Variants in MICALL1 observed in about 807,000 individuals in gnomAD.
The protein encoded by MICALL1 is MICAL like 1.
MICALL1 carries 61 observed loss-of-function variants against 83.7 expected under a neutral mutation model. That is an observed-to-expected ratio of 0.73 (90% CI 0.59 to 0.90). The LOEUF (loss-of-function observed/expected upper bound fraction) is 0.90. Among genes scored for constraint, MICALL1 ranks in the 40% least tolerant of loss-of-function variants. MICALL1 has a pLI of 0.00. For missense variants in MICALL1, 1,066 were observed against 1,152.0 expected, an observed-to-expected ratio of 0.93 and a Z score of 1.08; for synonymous variants, 481 against 473.6, an observed-to-expected ratio of 1.02 and a Z score of -0.20.
At chr22:37,909,306 G>A (rs1177789483) in intron 1 of MICALL1, among the ~76,000 whole-genome samples, 6 of 151,166 alleles carry the variant, frequency 4.0e-5, no homozygotes, top group Non-Finnish European at 5.9e-5. Flanking sequence ...CGCCTGCCTC[G>A]GCCTCCCAAA....
intron 13 of MICALL1, among the ~76,000 whole-genome samples, chr22:37,935,499 T>A (rs958495968): frequency 6.6e-6 from 1 of 151,452 alleles, no homozygotes; most frequent in African/African-American, 2.4e-5. Context: ...GACCTCGTGA[T>A]CCGCCCACCT....
At position 37,934,137 on chromosome 22, in the gene MICALL1, C is replaced by T. The variant is rs1438467784; in HGVS notation, c.2308+1025C>T. 2.6e-5 allele frequency among the ~76,000 whole-genome samples: 4 copies of T among 152,216 alleles called. No individual in the cohort carries two copies. The East Asian group carries it at 7.7e-4, about 29-fold the overall frequency. On this transcript the variant is annotated intron_variant, in intron 13 of 15. Transcript: ENST00000215957. The stretch of plus-strand genomic sequence containing the variant: ...CCTCTGCCTCCCTGGCTAGCCCGGC[C>T]CCAGGGCTTACTGTGGCTTTTCCAG...
Position 37,906,354 on chromosome 22 carries a change from G to A in MICALL1, c.-69G>A. The A allele has an allele frequency of 1.4e-5, 14 of 995,978 alleles. No homozygotes were observed. Among genetic ancestry groups the A allele is most frequent in the Non-Finnish European group, 1.7e-5 (14 of 834,942 alleles). The allele number at this position is 995,978 out of a possible 1,614,324, so 61.7% of individuals were successfully genotyped here. On this transcript the variant is annotated 5_prime_UTR_variant, in exon 1 of 16. Transcript: ENST00000215957. This position sits in a 1 kb window ranked among gnomAD's most constrained non-coding sequence, Gnocchi z 4.4. ...AGCCGCAGCCGGAAACCGGGCCCGC[G>A]CGGCGGCCGCCGTCCCGGCCAAGCC...
chr22:37,927,599 G>A lies in MICALL1; in HGVS notation c.1654G>A (p.Val552Ile), dbSNP rs763783825. Residue 552 changes from valine to isoleucine, a missense_variant, in exon 9 of 16, where the codon GTC becomes ATC. Val to Ile is a conservative substitution (Grantham distance 29, BLOSUM62 3). Coordinates refer to ENST00000215957, the MANE Select transcript of MICALL1 (RefSeq NM_033386.4). ...VHAPGTPGNP[V>I]SLSTNSSLAS... ...TGCCCCTGGTACCCCTGGAAACCCTGTCAGCCTCTCTACCAACTCCTCCCT... is the reference window on the plus strand; with the variant it reads ...TGCCCCTGGTACCCCTGGAAACCCTATCAGCCTCTCTACCAACTCCTCCCT... The A allele has an allele frequency of 6.2e-7, 1 of 1,613,630 alleles. No homozygotes were observed. The highest frequency in any genetic ancestry group is 1.7e-5 in the Admixed American group (1 of 60,002).
At chr22:37,919,740 C>T (rs1220684082) in intron 5 of MICALL1, among the ~76,000 whole-genome samples, 1 of 151,302 alleles carries the variant, frequency 6.6e-6, no homozygotes, top group Admixed American at 6.6e-5. Context: ...GTAATCCCAG[C>T]ACTTTGGGAG....
chr22:37,939,994 G>T (rs1930345410), intron 15 of MICALL1, among the ~76,000 whole-genome samples: 1 of 151,740 alleles, frequency 6.6e-6, no homozygotes, highest in Non-Finnish European at 1.5e-5. Flanking sequence ...GGAGGCTAAG[G>T]CAGGAGAATT....
rs34844677 is a variant in MICALL1, at chr22:37,937,418, C to CTTTT, written c.2423+243_2423+246dup. Among the ~76,000 whole-genome samples, 607 of 113,358 alleles carry CTTTT rather than the reference C, an allele frequency of 5.4e-3. 13 individuals carry two copies. Among genetic ancestry groups the CTTTT allele is most frequent in the Non-Finnish European group, 8.4e-3 (469 of 55,888 alleles). 74.4% of individuals were successfully genotyped at this position (113,358 alleles called of 152,430 possible). On this transcript the variant is annotated intron_variant, in intron 14 of 15. Coordinates refer to ENST00000215957, the MANE Select transcript of MICALL1 (RefSeq NM_033386.4). ...CCCGTAGGACTCTCAGCTGCCGCTG[C>CTTTT]TTTTTTTTTTTTTTTTTTTTTTGAG...
chr22:37,910,720 G>C (rs761379323), intron 1 of MICALL1, among the ~76,000 whole-genome samples: 1 of 152,228 alleles, frequency 6.6e-6, no homozygotes, highest in Non-Finnish European at 1.5e-5. Context: ...CCTGGCCCCT[G>C]CCTGGAAAAG....
At chr22:37,919,301 T>C (rs1240791765) in intron 5 of MICALL1, 123 bp downstream of exon 5, 24 of 1,218,714 alleles carry the variant, frequency 2.0e-5, no homozygotes, top group Admixed American at 3.6e-5. Flanking sequence ...CTTATCCCCA[T>C]TTTACTGATG....
intron 13 of MICALL1, among the ~76,000 whole-genome samples, chr22:37,934,162 G>GC (rs1050781504): frequency 6.6e-6 from 1 of 152,222 alleles, no homozygotes; most frequent in Non-Finnish European, 1.5e-5. Context: ...GGCTTTTCCA[G>GC]CCCCCGTGTG....
chr22:37,916,772 A>C (rs1241273190), intron 3 of MICALL1, among the ~76,000 whole-genome samples: 1 of 152,136 alleles, frequency 6.6e-6, no homozygotes, highest in Non-Finnish European at 1.5e-5. Context: ...TTGGGGAGTA[A>C]TGTCAGGATG....
In MICALL1 at chr22:37,906,348, G is replaced by A. The variant is rs1355879279; in HGVS notation, c.-75G>A. The A allele has an allele frequency of 2.0e-6, 2 of 982,144 alleles. No homozygotes were observed. Among genetic ancestry groups the A allele is most frequent in the Non-Finnish European group, 2.4e-6 (2 of 823,550 alleles). The allele number at this position is 982,144 out of a possible 1,614,324, so 60.8% of individuals were successfully genotyped here. A position where few individuals can be genotyped will look rare whatever the true frequency, so the allele number is the denominator to read the frequency against. Reference sequence around the variant, plus strand: ...AGCCGCAGCCGCAGCCGGAAACCGGGCCCGCGCGGCGGCCGCCGTCCCGGC... The same window carrying A: ...AGCCGCAGCCGCAGCCGGAAACCGGACCCGCGCGGCGGCCGCCGTCCCGGC... On this transcript the variant is annotated 5_prime_UTR_variant, in exon 1 of 16. Transcript: ENST00000215957. The surrounding 1 kb of genome is among the most constrained non-coding windows in gnomAD (Gnocchi z 4.4).
At position 37,921,963 on chromosome 22, in the gene MICALL1, C is replaced by T; in HGVS notation, c.570-9C>T. The T allele has an allele frequency of 6.4e-7, 1 of 1,555,110 alleles. No homozygotes were observed. Among genetic ancestry groups the T allele is most frequent in the Non-Finnish European group, 8.7e-7 (1 of 1,147,692 alleles). On this transcript the variant is annotated splice_polypyrimidine_tract_variant and intron_variant, in intron 5 of 15. Transcript: ENST00000215957. ...TGGCTAAGTGAACCCCTGTCCTGTCCCCTGCCAGGTGTCGGCGGTGCTCCA... is the reference window on the plus strand; with the variant it reads ...TGGCTAAGTGAACCCCTGTCCTGTCTCCTGCCAGGTGTCGGCGGTGCTCCA...
At position 37,932,172 on chromosome 22, in the gene MICALL1, C is replaced by A. The variant is rs1385137008; in HGVS notation, c.2016+239C>A. On this transcript the variant is annotated intron_variant, in intron 10 of 15. Coordinates refer to ENST00000215957, the MANE Select transcript of MICALL1 (RefSeq NM_033386.4). The surrounding 1 kb of genome is among the most constrained non-coding windows in gnomAD (Gnocchi z 4.4). ...GGTGGTGCATTTAATTTGTTACTAA[C>A]AAGTTCAAGTATCAAGCACTCATGA... 1.3e-5 allele frequency among the ~76,000 whole-genome samples: 2 copies of A among 152,256 alleles called. No individual in the cohort carries two copies. Among genetic ancestry groups the A allele is most frequent in the Admixed American group, 1.3e-4 (2 of 15,288 alleles).
In MICALL1 at chr22:37,941,582, T is replaced by TG. The variant is rs1930439091; in HGVS notation, c.*754dup. On this transcript the variant is annotated 3_prime_UTR_variant, in exon 16 of 16. Coordinates refer to ENST00000215957, the MANE Select transcript of MICALL1 (RefSeq NM_033386.4). ...CAGTGCTGTCCCCAGGCTGCAGTTCTGGTCCCTGGTTGTCAGGTAGGAAGG... is the reference window on the plus strand; with the variant it reads ...CAGTGCTGTCCCCAGGCTGCAGTTCTGGGTCCCTGGTTGTCAGGTAGGAAGG... 6.6e-6 allele frequency: 1 copy of TG among 152,388 alleles called. No individual in the cohort carries two copies. Among genetic ancestry groups the TG allele is most frequent in the African/African-American group, 2.4e-5 (1 of 41,450 alleles). The allele number at this position is 152,388 out of a possible 1,614,324, so 9.4% of individuals were successfully genotyped here.
At chr22:37,921,217 A>T (rs1929010340) in intron 5 of MICALL1, among the ~76,000 whole-genome samples, 1 of 152,230 alleles carries the variant, frequency 6.6e-6, no homozygotes, top group Non-Finnish European at 1.5e-5. Context: ...TTCACAAAGC[A>T]CTATTTGGCC....
chr22:37,927,636 G>C lies in MICALL1; in HGVS notation c.1691G>C (p.Gly564Ala). The change falls in exon 9 of 16, where the codon GGG (glycine) becomes GCG (alanine). Residue 564 changes from glycine to alanine, a missense_variant. Physicochemically the swap from Gly to Ala is moderately conservative, Grantham distance 60. Coordinates refer to ENST00000215957, the MANE Select transcript of MICALL1 (RefSeq NM_033386.4). ...ACCAACTCCTCCCTGGCCTCCTCTG[G>C]GGAACTAGTGGAGCCTAGAGTGGAA... ...LSTNSSLASS[G>A]ELVEPRVEQM... The C allele has an allele frequency of 6.2e-7, 1 of 1,614,140 alleles. No homozygotes were observed. The highest frequency in any genetic ancestry group is 8.5e-7 in the Non-Finnish European group (1 of 1,179,990).
chr22:37,939,513 C>T (rs1277887119), intron 15 of MICALL1, among the ~76,000 whole-genome samples: 2 of 152,134 alleles, frequency 1.3e-5, no homozygotes, highest in African/African-American at 2.4e-5. Context: ...CGGTGGCTCA[C>T]GCCTGTAATG....
intron 1 of MICALL1, among the ~76,000 whole-genome samples, chr22:37,907,900 G>A (rs1928069529): frequency 6.6e-6 from 1 of 152,244 alleles, no homozygotes; most frequent in Admixed American, 6.5e-5. Context: ...CCCAGGAGCA[G>A]GGGGTAGAAG....
Sources: gnomAD v4.1 joint callset for allele counts (sites outside exome capture counted in the v4.1 genomes callset) on GRCh38, gnomAD v4.1.1 for gene constraint, Gnocchi (gnomAD v3.1) non-coding constraint, MANE v1.5 for transcripts, NCBI Gene and HGNC (gene_info 2026-07-23, HGNC 2026-07-21) for gene names.